SIK3: variants seen among roughly 807,000 people sequenced by gnomAD.
SIK3 encodes SIK family kinase 3.
In SIK3, 28 loss-of-function variants were observed where a neutral mutation model predicts 144.2. The ratio of observed to expected loss-of-function variants is 0.19; its 90% CI spans 0.14 to 0.27. SIK3 has a LOEUF of 0.27. Ranked by LOEUF, SIK3 falls within the 10% of genes least tolerant of loss-of-function variation. The pLI is 1.00. For synonymous variants in SIK3, 686 were observed against 676.3 expected (o/e 1.01, Z -0.22); for missense variants, 1,319 against 1,776.0 (o/e 0.74, Z 4.62).
chr11:117,072,530 G>A (rs534640378), intron 1 of SIK3, among the ~76,000 whole-genome samples: 24 of 151,964 alleles, frequency 1.6e-4, no homozygotes, highest in African/African-American at 5.6e-4. Flanking sequence ...TAATATCATC[G>A]GGCAAACCTG....
intron 1 of SIK3, among the ~76,000 whole-genome samples, chr11:116,979,397 T>A (rs1950063247): frequency 6.6e-6 from 1 of 152,188 alleles, no homozygotes; most frequent in African/African-American, 2.4e-5. Flanking sequence ...CTAACAAACC[T>A]TTGTTAGTAC....
Position 117,057,107 on chromosome 11 carries a change from A to G in SIK3, c.273+41036T>C, listed in dbSNP as rs192366320. Among the ~76,000 whole-genome samples, 81 of 152,342 alleles carry G rather than the reference A, an allele frequency of 5.3e-4. No homozygotes were observed. The East Asian group carries it at 0.015, about 28-fold the overall frequency. On this transcript the variant is annotated intron_variant, in intron 1 of 24. Coordinates refer to ENST00000445177, the MANE Select transcript of SIK3 (RefSeq NM_001366686.3). ...AGACATCTTGTGAAACTATCGTTCAATATCAAAATTAAATTTTTAAAAAAC... is the reference window on the plus strand; with the variant it reads ...AGACATCTTGTGAAACTATCGTTCAGTATCAAAATTAAATTTTTAAAAAAC...
intron 13 of SIK3, among the ~76,000 whole-genome samples, chr11:116,873,235 C>G (rs1437890401): frequency 1.3e-5 from 2 of 152,128 alleles, no homozygotes; most frequent in Non-Finnish European, 2.9e-5. Context: ...CTGTGAGCGC[C>G]CATTGAGGAA....
At chr11:116,898,049 GTGCCA>G (rs1945513984) in intron 4 of SIK3, among the ~76,000 whole-genome samples, 1 of 151,840 alleles carries the variant, frequency 6.6e-6, no homozygotes, top group South Asian at 2.1e-4. Flanking sequence ...ATGTATACAT[GTGCCA>G]TGCTGGTGCG....
chr11:116,962,285 T>C (rs1949375900), intron 1 of SIK3, among the ~76,000 whole-genome samples: 1 of 152,052 alleles, frequency 6.6e-6, no homozygotes, highest in South Asian at 2.1e-4. Context: ...AAGAACTACG[T>C]AGGAGGGAAA....
intron 3 of SIK3, among the ~76,000 whole-genome samples, chr11:116,951,003 A>G (rs585750): frequency 0.048 from 7,281 of 152,262 alleles, 442 homozygotes; most frequent in African/African-American, 0.14. Context: ...TCACACCTTG[A>G]CGGCAGAAGT....
intron 21 of SIK3, among the ~76,000 whole-genome samples, chr11:116,854,346 A>G (rs1250984030): frequency 6.6e-6 from 1 of 152,206 alleles, no homozygotes; most frequent in Non-Finnish European, 1.5e-5. Flanking sequence ...TAGGTGACAG[A>G]GCAAGACCCT....
At chr11:117,001,925 T>C (rs749287357) in intron 1 of SIK3, among the ~76,000 whole-genome samples, 42 of 152,074 alleles carry the variant, frequency 2.8e-4, no homozygotes, top group Admixed American at 6.6e-5. Context: ...AATCAGAAGT[T>C]CCCCATTATC....
At chr11:117,062,356 TC>T (rs945546717) in intron 1 of SIK3, among the ~76,000 whole-genome samples, 1 of 152,174 alleles carries the variant, frequency 6.6e-6, no homozygotes, top group African/African-American at 2.4e-5. Flanking sequence ...TCCTAAGAAT[TC>T]TTAAAGTAAA....
intron 1 of SIK3, among the ~76,000 whole-genome samples, chr11:117,065,572 T>C (rs370571757): frequency 6.7e-6 from 1 of 149,288 alleles, no homozygotes; most frequent in African/African-American, 2.5e-5. Context: ...TTGATCAAAA[T>C]AAATGCTTTT....
chr11:116,897,543 C>A (rs1945475870), intron 4 of SIK3, among the ~76,000 whole-genome samples: 1 of 152,200 alleles, frequency 6.6e-6, no homozygotes, highest in African/African-American at 2.4e-5. Context: ...AAAAATAGTA[C>A]TGCTCCCTTC....
At chr11:116,957,134 A>C (rs908179844) in intron 1 of SIK3, 70 bp from the exon 2 acceptor site, 3 of 733,562 alleles carry the variant, frequency 4.1e-6, no homozygotes, top group Non-Finnish European at 6.5e-6. Flanking sequence ...AATTAGGTTC[A>C]CTTTAAAACA....
At chr11:117,063,731 G>C (rs138042321) in intron 1 of SIK3, among the ~76,000 whole-genome samples, 259 of 151,846 alleles carry the variant, frequency 1.7e-3, no homozygotes, top group African/African-American at 6.0e-3. Flanking sequence ...ACTACGCCTG[G>C]CTAATTTTTT....
intron 1 of SIK3, among the ~76,000 whole-genome samples, chr11:117,097,060 C>T (rs775939969): frequency 5.9e-5 from 9 of 152,146 alleles, no homozygotes; most frequent in Non-Finnish European, 1.0e-4. Context: ...ATGGGCTTTG[C>T]GGGTTCCACC....
At chr11:116,914,287 C>T (rs1364183238) in intron 4 of SIK3, among the ~76,000 whole-genome samples, 2 of 150,504 alleles carry the variant, frequency 1.3e-5, no homozygotes, top group African/African-American at 4.9e-5. Context: ...TGGGTCACTG[C>T]AGCCTCCACC....
intron 1 of SIK3, among the ~76,000 whole-genome samples, chr11:117,088,323 G>A (rs7930783): frequency 0.31 from 47,680 of 152,082 alleles, 9,706 homozygotes; most frequent in African/African-American, 0.59. Context: ...CTTCCTAATA[G>A]TAAAAGTTTG....
At chr11:116,935,003 T>C (rs2135205503) in intron 3 of SIK3, among the ~76,000 whole-genome samples, 1 of 152,268 alleles carries the variant, frequency 6.6e-6, no homozygotes, top group African/African-American at 2.4e-5. Context: ...GAGAATCGCT[T>C]GAACCTGGAA....
intron 1 of SIK3, among the ~76,000 whole-genome samples, chr11:117,057,532 T>G (rs902325972): frequency 6.6e-6 from 1 of 152,150 alleles, no homozygotes; most frequent in African/African-American, 2.4e-5. Flanking sequence ...CACAGACTAC[T>G]CCATGCCAGG....
chr11:116,881,262 TTG>T (rs34246440), intron 6 of SIK3, among the ~76,000 whole-genome samples: 1 of 152,100 alleles, frequency 6.6e-6, no homozygotes, highest in Non-Finnish European at 1.5e-5. Flanking sequence ...GCTCCTCTGC[TTG>T]TGTGTGCCAG....
Sources: gnomAD v4.1 joint callset for allele counts (sites outside exome capture counted in the v4.1 genomes callset) on GRCh38, gnomAD v4.1.1 for gene constraint, MANE v1.5 for transcripts, NCBI Gene and HGNC (gene_info 2026-07-23, HGNC 2026-07-21) for gene names.